The following UBE2D2 variants were observed in gnomAD, a reference collection of about 807,000 sequenced individuals.
The protein encoded by UBE2D2 is ubiquitin conjugating enzyme E2 D2, also known as ubiquitin-conjugating enzyme E2 D2.
A neutral mutation model predicts 24.2 loss-of-function variants in UBE2D2; 2 were observed. The ratio of observed to expected loss-of-function variants is 0.08; its 90% CI spans 0.03 to 0.26. UBE2D2 has a LOEUF of 0.26. Among genes scored for constraint, UBE2D2 ranks in the 10% least tolerant of loss-of-function variants. The pLI, the probability that UBE2D2 is intolerant of heterozygous loss-of-function variation, is 1.00. For synonymous variants in UBE2D2, 58 were observed against 56.5 expected, an observed-to-expected ratio of 1.03 and a Z score of -0.12; for missense variants, 44 against 177.6, an observed-to-expected ratio of 0.25 and a Z score of 4.28.
intron 5 of UBE2D2, among the ~76,000 whole-genome samples, chr5:139,621,266 A>G (rs1044541105): frequency 6.6e-6 from 1 of 152,184 alleles, no homozygotes; most frequent in Non-Finnish European, 1.5e-5. Flanking sequence ...ACATAAATAA[A>G]TAAATATTTT....
intron 1 of UBE2D2, among the ~76,000 whole-genome samples, chr5:139,538,019 T>G (rs1420193466): frequency 2.0e-5 from 3 of 151,910 alleles, no homozygotes; most frequent in African/African-American, 7.2e-5. Context: ...CATGATACAG[T>G]TTTTTTGTTT....
chr5:139,556,340 G>A (rs138902918), upstream of UBE2D2, among the ~76,000 whole-genome samples: 40 of 151,948 alleles, frequency 2.6e-4, no homozygotes, highest in East Asian at 6.4e-3. Context: ...CCCGGGAGGT[G>A]GAGGTTGCAG....
chr5:139,542,535 G>C (rs1752774107), intron 1 of UBE2D2, among the ~76,000 whole-genome samples: 2 of 152,162 alleles, frequency 1.3e-5, no homozygotes, highest in Non-Finnish European at 2.9e-5. Context: ...TGGCTAGGCT[G>C]GTCTCAAACC....
intron 1 of UBE2D2, among the ~76,000 whole-genome samples, chr5:139,552,865 A>G (rs979910757): frequency 1.3e-5 from 2 of 151,844 alleles, no homozygotes; most frequent in African/African-American, 2.4e-5. Context: ...TATTTTTAGT[A>G]GAGACGGGGT....
At chr5:139,617,640 T>C (rs1057244895) in intron 5 of UBE2D2, among the ~76,000 whole-genome samples, 1 of 152,172 alleles carries the variant, frequency 6.6e-6, no homozygotes, top group African/African-American at 2.4e-5. Flanking sequence ...GTTTAATGCA[T>C]GTATTTAGAC....
intron 1 of UBE2D2, among the ~76,000 whole-genome samples, chr5:139,583,409 A>C (rs1038609085): frequency 6.6e-6 from 1 of 152,222 alleles, no homozygotes. Flanking sequence ...GCCATTCTAC[A>C]ATGTATTCAT....
intron 1 of UBE2D2, among the ~76,000 whole-genome samples, chr5:139,569,418 C>T (rs1286334677): frequency 6.6e-6 from 1 of 152,070 alleles, no homozygotes; most frequent in Non-Finnish European, 1.5e-5. Context: ...TTGACAAGGT[C>T]CAATTCTGTA....
chr5:139,553,326 C>G (rs756449802), intron 1 of UBE2D2, among the ~76,000 whole-genome samples: 1 of 152,170 alleles, frequency 6.6e-6, no homozygotes, highest in African/African-American at 2.4e-5. Context: ...TGCTGAGATC[C>G]GGAAATAGGG....
Position 139,589,846 on chromosome 5 carries a change from G to A in UBE2D2, c.25-10526G>A, listed in dbSNP as rs529657328. 3.4e-4 allele frequency among the ~76,000 whole-genome samples: 52 copies of A among 151,956 alleles called. 1 individual carries two copies. In the South Asian group the frequency reaches 3.7e-3, roughly 11 times the overall value. ...GTCGCCCAGGCTGGAGTGCAGTGGC[G>A]CAATCTTGGCTCACTGCAAACTCCG... On this transcript the variant is annotated intron_variant, in intron 1 of 6. Transcript: ENST00000398733.
intron 5 of UBE2D2, among the ~76,000 whole-genome samples, chr5:139,615,712 G>A (rs1236066719): frequency 1.3e-5 from 2 of 151,888 alleles, no homozygotes; most frequent in Non-Finnish European, 2.9e-5. Flanking sequence ...CTTGTCTTTA[G>A]GTTTCTGTAT....
chr5:139,571,137 G>C (rs192163248), intron 1 of UBE2D2, among the ~76,000 whole-genome samples: 1 of 152,040 alleles, frequency 6.6e-6, no homozygotes, highest in African/African-American at 2.4e-5. Flanking sequence ...GGCTGGGCGC[G>C]GTGGCTCATG....
intron 2 of UBE2D2, among the ~76,000 whole-genome samples, chr5:139,603,064 C>G (rs1014560883): frequency 3.9e-5 from 6 of 152,118 alleles, no homozygotes; most frequent in Non-Finnish European, 8.8e-5. Flanking sequence ...CATGTGAACT[C>G]ACTCTCAGGT....
chr5:139,547,614 G>A (rs1412973858), intron 1 of UBE2D2, among the ~76,000 whole-genome samples: 5 of 151,856 alleles, frequency 3.3e-5, no homozygotes, highest in Admixed American at 3.3e-4. Flanking sequence ...GGTTCAAGCA[G>A]TTCTCTACCT....
chr5:139,607,129 G>A (rs1284255697), intron 2 of UBE2D2, among the ~76,000 whole-genome samples: 1 of 152,152 alleles, frequency 6.6e-6, no homozygotes, highest in Non-Finnish European at 1.5e-5. Context: ...TAAAAACATT[G>A]TAATGTGAGG....
In UBE2D2 at chr5:139,627,822, A is replaced by C. The variant is rs1344446829; in HGVS notation, c.*1021A>C. 1 of 152,690 alleles carries C rather than the reference A, an allele frequency of 6.5e-6. No homozygotes were observed. Among genetic ancestry groups the C allele is most frequent in the East Asian group, 1.9e-4 (1 of 5,202 alleles). The allele number at this position is 152,690 out of a possible 1,614,324, so 9.5% of individuals were successfully genotyped here. ...AAGATCATGAAACAATTCCAGTTAC[A>C]TTGTAAAAAGGATATCTTACGAGTA... is the stretch of plus-strand genomic sequence containing the variant. On this transcript the variant is annotated 3_prime_UTR_variant, in exon 7 of 7. Coordinates refer to ENST00000398733, the MANE Select transcript of UBE2D2 (RefSeq NM_003339.3).
chr5:139,549,521 A>G (rs1752878272), intron 1 of UBE2D2, among the ~76,000 whole-genome samples: 1 of 152,224 alleles, frequency 6.6e-6, no homozygotes, highest in Non-Finnish European at 1.5e-5. Flanking sequence ...TGGGTCCCCC[A>G]GCACTGCAGG....
intron 1 of UBE2D2, among the ~76,000 whole-genome samples, chr5:139,531,784 G>A (rs967283017): frequency 6.6e-6 from 1 of 151,850 alleles, no homozygotes; most frequent in African/African-American, 2.4e-5. Context: ...CAACAGTGTG[G>A]GACCTTGTCT....
chr5:139,615,112 C>G, intron 5 of UBE2D2, 146 bp downstream of exon 5: 1 of 836,398 alleles, frequency 1.2e-6, no homozygotes, highest in Non-Finnish European at 1.8e-6. Flanking sequence ...GAACTGAAAA[C>G]GAGTTGGATT....
chr5:139,604,892 A>T (rs890344845), intron 2 of UBE2D2, among the ~76,000 whole-genome samples: 2 of 152,164 alleles, frequency 1.3e-5, no homozygotes, highest in Admixed American at 6.6e-5. Context: ...AAAAAAAAAA[A>T]AAAACAAGTA....
Sources: gnomAD v4.1 joint callset for allele counts (sites outside exome capture counted in the v4.1 genomes callset) on GRCh38, gnomAD v4.1.1 for gene constraint, MANE v1.5 for transcripts, NCBI Gene and HGNC (gene_info 2026-07-23, HGNC 2026-07-21) for gene names.